SLCO1A2: variants seen among roughly 807,000 people sequenced by gnomAD.
The protein encoded by SLCO1A2 is solute carrier organic anion transporter family member 1A2.
Under a neutral mutation model 69.0 loss-of-function variants are expected in SLCO1A2, and 67 were observed. The ratio of observed to expected loss-of-function variants is 0.97; its 90% CI spans 0.80 to 1.19. The LOEUF (loss-of-function observed/expected upper bound fraction) is 1.19, where lower values mean the gene tolerates loss of function less well. SLCO1A2 is among the 50% of genes most tolerant of loss of function. SLCO1A2 has a pLI of 0.00. For missense variants in SLCO1A2, 787 were observed against 793.7 expected, an observed-to-expected ratio of 0.99 and a Z score of 0.10; for synonymous variants, 260 against 265.9, an observed-to-expected ratio of 0.98 and a Z score of 0.22.
chr12:21,311,354 G>A (rs963112839), intron 4 of SLCO1A2, among the ~76,000 whole-genome samples: 4 of 152,036 alleles, frequency 2.6e-5, no homozygotes, highest in Admixed American at 6.6e-5. Flanking sequence ...CTAGTGGAAT[G>A]TAGAATAGTG....
At chr12:21,411,129 G>A (rs1360148548) in intron 1 of SLCO1A2, among the ~76,000 whole-genome samples, 1 of 151,992 alleles carries the variant, frequency 6.6e-6, no homozygotes, top group Non-Finnish European at 1.5e-5. Flanking sequence ...CTTGCTTTTA[G>A]TACAGTCAAA....
chr12:21,355,393 A>G (rs190523302), intron 2 of SLCO1A2, among the ~76,000 whole-genome samples: 1 of 152,212 alleles, frequency 6.6e-6, no homozygotes, highest in Non-Finnish European at 1.5e-5. Flanking sequence ...AAGGAAAAGA[A>G]ATCTCGAAGT....
intron 2 of SLCO1A2, among the ~76,000 whole-genome samples, 195 bp downstream of exon 2, chr12:21,334,393 C>A (rs1294851324): frequency 1.3e-5 from 2 of 152,024 alleles, no homozygotes; most frequent in Non-Finnish European, 2.9e-5. Flanking sequence ...GACTAACTTG[C>A]CTGAATCAAT....
intron 2 of SLCO1A2, among the ~76,000 whole-genome samples, chr12:21,354,806 T>C (rs1938232555): frequency 6.6e-6 from 1 of 152,170 alleles, no homozygotes; most frequent in Admixed American, 6.5e-5. Flanking sequence ...ACTACTCATA[T>C]CTCCCAATAA....
At chr12:21,330,314 A>T (rs1952525096) in intron 2 of SLCO1A2, among the ~76,000 whole-genome samples, 1 of 151,898 alleles carries the variant, frequency 6.6e-6, no homozygotes, top group Non-Finnish European at 1.5e-5. Context: ...GCAACATGTG[A>T]CACTCCATCT....
At chr12:21,280,603 A>G (rs1944610465) in intron 12 of SLCO1A2, among the ~76,000 whole-genome samples, 1 of 151,994 alleles carries the variant, frequency 6.6e-6, no homozygotes, top group Non-Finnish European at 1.5e-5. Flanking sequence ...ATAGCTAAAG[A>G]GAGAGATAGA....
chr12:21,396,739 T>A (rs1941477938), upstream of SLCO1A2, among the ~76,000 whole-genome samples: 1 of 152,120 alleles, frequency 6.6e-6, no homozygotes, highest in Admixed American at 6.5e-5. Context: ...AAGAAAAGAA[T>A]TTTCAACCCA....
At position 21,269,649 on chromosome 12, in the gene SLCO1A2, C is replaced by G. The variant is rs760663696; in HGVS notation, c.1912G>C (p.Glu638Gln). The change falls in exon 15 of 15, where the codon GAG becomes CAG. Residue 638 changes from glutamate to glutamine, a missense_variant. Physicochemically the swap from Glu to Gln is conservative, Grantham distance 29. Transcript: ENST00000683939. ...CCTTTGACTTTTGTCTCTATAAGCTCTGTTCCTGAAGAGGCATTTTCACCA... is the reference window on the plus strand; with the variant it reads ...CCTTTGACTTTTGTCTCTATAAGCTGTGTTCCTGAAGAGGCATTTTCACCA... ...LPGENASSGT[E>Q]LIETKVKGKE... 1 of 1,612,644 alleles carries G rather than the reference C, an allele frequency of 6.2e-7. No individual in the cohort carries two copies. The highest frequency in any genetic ancestry group is 1.1e-5 in the South Asian group (1 of 91,022).
Position 21,292,284 on chromosome 12 carries a change from A to G in SLCO1A2, c.1490T>C (p.Leu497Pro), listed in dbSNP as rs1946994219. 6.2e-7 allele frequency: 1 copy of G among 1,612,234 alleles called. No homozygotes were observed. Among genetic ancestry groups the G allele is most frequent in the Non-Finnish European group, 8.5e-7 (1 of 1,178,908 alleles). The change falls in exon 12 of 15, where the codon CTT becomes CCT. Residue 497 changes from leucine to proline, a missense_variant. Physicochemically the swap from Leu to Pro is moderately conservative, Grantham distance 98 (BLOSUM62 -3). Transcript: ENST00000683939. ...IQTSGNSSAV[L>P]GLCDKGPDCS... ...GTCAGGTCCTTTGTCGCACAGCCCAAGAACTGCAGATGAATTTCCTGATGT... is the reference window on the plus strand; with the variant it reads ...GTCAGGTCCTTTGTCGCACAGCCCAGGAACTGCAGATGAATTTCCTGATGT...
At chr12:21,352,554 G>A (rs1421062122) in intron 2 of SLCO1A2, among the ~76,000 whole-genome samples, 6 of 152,082 alleles carry the variant, frequency 3.9e-5, no homozygotes, top group Non-Finnish European at 5.9e-5. Flanking sequence ...TCAAGAGTCC[G>A]TCAAGGCTGC....
intron 2 of SLCO1A2, among the ~76,000 whole-genome samples, chr12:21,348,518 G>C (rs1330918966): frequency 6.6e-6 from 1 of 152,058 alleles, no homozygotes; most frequent in Admixed American, 6.6e-5. Flanking sequence ...TCTGTGACAG[G>C]CTTATTTCAC....
chr12:21,394,330 G>C (rs1941311105), intron 1 of SLCO1A2, among the ~76,000 whole-genome samples: 1 of 151,864 alleles, frequency 6.6e-6, no homozygotes, highest in Non-Finnish European at 1.5e-5. Context: ...CCAGGAGTTT[G>C]AGACCAGCCT....
At chr12:21,355,944 G>C (rs1192119270) in intron 2 of SLCO1A2, among the ~76,000 whole-genome samples, 1 of 152,064 alleles carries the variant, frequency 6.6e-6, no homozygotes, top group Non-Finnish European at 1.5e-5. Flanking sequence ...TATTAAAATA[G>C]TATTGAATGA....
At chr12:21,278,731 CACAA>C (rs1011351044) in intron 12 of SLCO1A2, among the ~76,000 whole-genome samples, 1 of 152,070 alleles carries the variant, frequency 6.6e-6, no homozygotes, top group Non-Finnish European at 1.5e-5. Flanking sequence ...AGAAGGATGG[CACAA>C]ACAAACCCAG....
At chr12:21,348,257 C>T (rs529210630) in intron 2 of SLCO1A2, among the ~76,000 whole-genome samples, 4 of 152,178 alleles carry the variant, frequency 2.6e-5, no homozygotes, top group Non-Finnish European at 5.9e-5. Flanking sequence ...TCCAGTTACA[C>T]TCTTTAAGTT....
chr12:21,269,915 CTT>C (rs2136034628), intron 14 of SLCO1A2, 148 bp from the exon 15 acceptor site: 3 of 456,752 alleles, frequency 6.6e-6, no homozygotes, highest in Non-Finnish European at 7.3e-6. Context: ...GCTAAACTCT[CTT>C]ATTAATTTCA....
chr12:21,299,853 T>G (rs1399693957), intron 8 of SLCO1A2, among the ~76,000 whole-genome samples: 1 of 131,900 alleles, frequency 7.6e-6, no homozygotes. Flanking sequence ...TATATATACG[T>G]GTATATATAT....
chr12:21,279,106 A>G lies in SLCO1A2; in HGVS notation c.1611-3682T>C, dbSNP rs1591780996. ...CTCTTAATAGCAGAATTTATCAAGCAGAAGAGAGATTTAGTGAGCTTGAAG... is the reference window on the plus strand; with the variant it reads ...CTCTTAATAGCAGAATTTATCAAGCGGAAGAGAGATTTAGTGAGCTTGAAG... On this transcript the variant is annotated intron_variant, in intron 12 of 14. Transcript: ENST00000683939. Among the ~76,000 whole-genome samples, 3 of 152,082 alleles carry G rather than the reference A, an allele frequency of 2.0e-5. No individual in the cohort carries two copies. The East Asian group carries it at 5.8e-4, about 29-fold the overall frequency.
intron 1 of SLCO1A2, among the ~76,000 whole-genome samples, chr12:21,402,361 G>T (rs937431370): frequency 4.6e-5 from 7 of 151,962 alleles, no homozygotes; most frequent in Non-Finnish European, 1.0e-4. Context: ...ATGAACTGGG[G>T]TTTATAAGAG....
Sources: gnomAD v4.1 joint callset for allele counts (sites outside exome capture counted in the v4.1 genomes callset) on GRCh38, gnomAD v4.1.1 for gene constraint, MANE v1.5 for transcripts, NCBI Gene and HGNC (gene_info 2026-07-23, HGNC 2026-07-21) for gene names.